The following SHISA9 variants were observed in gnomAD, a reference collection of about 807,000 sequenced individuals.
SHISA9 encodes shisa family member 9.
In SHISA9, 13 loss-of-function variants were observed where a neutral mutation model predicts 38.0. That is an observed-to-expected ratio of 0.34 (90% confidence interval 0.22 to 0.54). The LOEUF is 0.54. Among genes scored for constraint, SHISA9 ranks in the 20% least tolerant of loss-of-function variants. The pLI is 0.91. For synonymous variants in SHISA9, 275 were observed against 242.0 expected (o/e 1.14, Z -1.27); for missense variants, 538 against 575.8 (o/e 0.93, Z 0.67).
chr16:13,359,193 C>G, the SHISA9 span, among the ~76,000 whole-genome samples: 319 of 152,160 alleles, frequency 2.1e-3, 1 homozygote, highest in African/African-American at 7.1e-3. Flanking sequence ...TGAGGAGAAT[C>G]AACTTGTTAA....
Position 12,968,189 on chromosome 16 carries a change from C to CAAAA in SHISA9, c.691+51408_691+51411dup, listed in dbSNP as rs200194973. Among the ~76,000 whole-genome samples the CAAAA allele has an allele frequency of 7.2e-4, 59 of 82,042 alleles. 11 individuals carry two copies. The highest frequency in any genetic ancestry group is 1.3e-3 in the Non-Finnish European group (53 of 40,978). 53.8% of individuals were successfully genotyped at this position (82,042 alleles called of 152,430 possible). A position where few individuals can be genotyped will look rare whatever the true frequency, so the allele number is the denominator to read the frequency against. ...TGGGTGACAGAGGAAGGCTCCATCTCAAAAAAAAAAAAAAAAAAAAAAAAA... is the reference window on the plus strand; with the variant it reads ...TGGGTGACAGAGGAAGGCTCCATCTCAAAAAAAAAAAAAAAAAAAAAAAAAAAAA... On this transcript the variant is annotated intron_variant, in intron 2 of 4. Transcript: ENST00000558583.
the SHISA9 span, among the ~76,000 whole-genome samples, chr16:13,550,836 G>A: frequency 4.6e-5 from 7 of 152,130 alleles, no homozygotes; most frequent in Non-Finnish European, 1.0e-4. Flanking sequence ...AGAAGTGATG[G>A]GCACAGGCCA....
chr16:13,405,011 C>T, the SHISA9 span, among the ~76,000 whole-genome samples: 1 of 152,204 alleles, frequency 6.6e-6, no homozygotes, highest in Admixed American at 6.5e-5. Context: ...AGGTGGAAGA[C>T]ACTGCGTCCC....
At chr16:13,023,721 G>A (rs1360251289) in intron 2 of SHISA9, among the ~76,000 whole-genome samples, 5 of 152,186 alleles carry the variant, frequency 3.3e-5, no homozygotes, top group African/African-American at 1.2e-4. Context: ...TCTAACTGGC[G>A]TGAGATGGTA....
At chr16:13,286,567 A>G in the SHISA9 span, among the ~76,000 whole-genome samples, 4 of 152,198 alleles carry the variant, frequency 2.6e-5, no homozygotes, top group Non-Finnish European at 5.9e-5. Context: ...AGTGATTAGA[A>G]AAAAAATTAA....
chr16:13,024,225 A>G (rs2072893046), intron 2 of SHISA9, among the ~76,000 whole-genome samples: 1 of 152,220 alleles, frequency 6.6e-6, no homozygotes, highest in South Asian at 2.1e-4. Context: ...TCTTTCTAGG[A>G]TAAAGGAAGC....
At chr16:13,177,565 C>A (rs1362252665) in intron 2 of SHISA9, among the ~76,000 whole-genome samples, 1 of 152,092 alleles carries the variant, frequency 6.6e-6, no homozygotes, top group Non-Finnish European at 1.5e-5. Context: ...CAATTGAAAG[C>A]ATATATCTAC....
chr16:13,349,250 T>C, the SHISA9 span, among the ~76,000 whole-genome samples: 3 of 152,244 alleles, frequency 2.0e-5, no homozygotes, highest in African/African-American at 7.2e-5. Flanking sequence ...TGTTGACTGA[T>C]ATTCAGTAGG....
At chr16:13,463,861 T>C in the SHISA9 span, among the ~76,000 whole-genome samples, 1 of 152,386 alleles carries the variant, frequency 6.6e-6, no homozygotes, top group African/African-American at 2.4e-5. Context: ...ATCCCTGCCG[T>C]TGGCTCCCTG....
chr16:13,459,904 A>G, the SHISA9 span, among the ~76,000 whole-genome samples: 1 of 152,060 alleles, frequency 6.6e-6, no homozygotes, highest in African/African-American at 2.4e-5. Flanking sequence ...ATCAAGCTTT[A>G]TATGATTATG....
the SHISA9 span, among the ~76,000 whole-genome samples, chr16:13,507,586 C>T: frequency 3.9e-5 from 6 of 152,176 alleles, no homozygotes; most frequent in East Asian, 7.7e-4. Context: ...ATTCCAATGC[C>T]GGGGGTTCCT....
chr16:13,392,195 A>C, the SHISA9 span, among the ~76,000 whole-genome samples: 1 of 152,154 alleles, frequency 6.6e-6, no homozygotes, highest in East Asian at 1.9e-4. Flanking sequence ...CTTATGTTGA[A>C]GTCTTAACTC....
At chr16:12,978,518 C>A (rs1481556441) in intron 2 of SHISA9, among the ~76,000 whole-genome samples, 1 of 152,112 alleles carries the variant, frequency 6.6e-6, no homozygotes, top group East Asian at 1.9e-4. Flanking sequence ...GAGCAACTGC[C>A]AGTGATGCAC....
intron 2 of SHISA9, among the ~76,000 whole-genome samples, chr16:13,061,708 C>G (rs2073377788): frequency 6.6e-6 from 1 of 152,188 alleles, no homozygotes; most frequent in Non-Finnish European, 1.5e-5. Context: ...AACCCCAACC[C>G]ATTAACCAGC....
chr16:13,499,514 C>A, the SHISA9 span, among the ~76,000 whole-genome samples: 1 of 152,262 alleles, frequency 6.6e-6, no homozygotes, highest in East Asian at 1.9e-4. Flanking sequence ...GAAAGCACTT[C>A]AAAAAGCCAG....
downstream of SHISA9, among the ~76,000 whole-genome samples, chr16:13,241,541 A>T (rs1042383066): frequency 6.6e-5 from 10 of 152,144 alleles, no homozygotes; most frequent in African/African-American, 2.4e-4. Flanking sequence ...CTAGGCACAG[A>T]GATGCACCTA....
chr16:12,970,490 TATATATA>T (rs1194038976), intron 2 of SHISA9, among the ~76,000 whole-genome samples: 10 of 28,836 alleles, frequency 3.5e-4, no homozygotes, highest in African/African-American at 4.8e-4. Flanking sequence ...TATATATATA[TATATATA>T]TTTTTTTTTT....
chr16:13,403,523 T>A, the SHISA9 span, among the ~76,000 whole-genome samples: 167 of 152,338 alleles, frequency 1.1e-3, 2 homozygotes, highest in Non-Finnish European at 4.9e-4. Flanking sequence ...TAATCCCATG[T>A]GGAATGTTAT....
At chr16:13,300,396 G>T in the SHISA9 span, among the ~76,000 whole-genome samples, 1 of 152,066 alleles carries the variant, frequency 6.6e-6, no homozygotes, top group East Asian at 1.9e-4. Context: ...AGCTCATCCA[G>T]GTGGGCCCTC....
Sources: allele counts gnomAD v4.1 joint callset (sites outside exome capture counted in the v4.1 genomes callset), GRCh38; gene constraint gnomAD v4.1.1; transcripts MANE v1.5; gene names NCBI Gene and HGNC (gene_info 2026-07-23, HGNC 2026-07-21).